GAREM1: variants seen among roughly 807,000 people sequenced by gnomAD.
GAREM1 encodes the protein GRB2-associated and regulator of MAPK protein 1.
GAREM1 carries 26 observed loss-of-function variants against 71.3 expected under a neutral mutation model. The observed-to-expected ratio is 0.36, with a 90% CI of 0.27 to 0.51. The LOEUF is 0.51. Ranked by LOEUF, GAREM1 falls within the 20% of genes least tolerant of loss-of-function variation. The pLI is 0.95. For synonymous variants in GAREM1, 440 were observed against 433.2 expected, an observed-to-expected ratio of 1.02 and a Z score of -0.20; for missense variants, 1,026 against 1,103.1, an observed-to-expected ratio of 0.93 and a Z score of 0.99.
At chr18:32,459,899 A>G (rs895776786) in intron 1 of GAREM1, among the ~76,000 whole-genome samples, 3 of 152,290 alleles carry the variant, frequency 2.0e-5, no homozygotes, top group Non-Finnish European at 4.4e-5. Flanking sequence ...CTTCTCAGGT[A>G]TTTCATTAAC....
At position 32,287,777 on chromosome 18, in the gene GAREM1, C is replaced by G. The variant is rs763402767; in HGVS notation, c.820G>C (p.Val274Leu). 1.2e-6 allele frequency: 2 copies of G among 1,613,538 alleles called. No homozygotes were observed. The highest frequency in any genetic ancestry group is 8.5e-7 in the Non-Finnish European group (1 of 1,179,978). The change falls in exon 4 of 6, where the codon GTG (valine) becomes CTG (leucine). Residue 274 changes from valine to leucine, a missense_variant. By Grantham distance (32) the Val-to-Leu change is conservative. Transcript: ENST00000269209. The surrounding 1 kb of genome is among the most constrained non-coding windows in gnomAD (Gnocchi z 5.9). Reference protein sequence around the residue: ...FIREGHRYKFVNIQTKTVVVC... With the variant: ...FIREGHRYKFLNIQTKTVVVC... ...ACCACCGTCTTGGTCTGGATGTTCACAAACTTATAGCGGTGCCCCTCACGG... is the reference window on the plus strand; with the variant it reads ...ACCACCGTCTTGGTCTGGATGTTCAGAAACTTATAGCGGTGCCCCTCACGG...
At chr18:32,447,133 G>A (rs2048792525) in intron 1 of GAREM1, among the ~76,000 whole-genome samples, 1 of 152,122 alleles carries the variant, frequency 6.6e-6, no homozygotes, top group Admixed American at 6.6e-5. Context: ...CCCTTTCAAG[G>A]CAATAATCAC....
chr18:32,364,022 A>ATGTTTTT (rs1236005063), intron 2 of GAREM1, among the ~76,000 whole-genome samples: 1 of 52,104 alleles, frequency 1.9e-5, no homozygotes. Context: ...ATATATATAT[A>ATGTTTTT]TATATGTTTT....
intron 4 of GAREM1, among the ~76,000 whole-genome samples, chr18:32,283,457 G>A (rs1450063056): frequency 6.6e-6 from 1 of 152,122 alleles, no homozygotes; most frequent in Non-Finnish European, 1.5e-5. Flanking sequence ...TGAGGCATGA[G>A]AATCACTTGA....
intron 2 of GAREM1, among the ~76,000 whole-genome samples, chr18:32,348,905 C>A (rs2047721826): frequency 6.6e-6 from 1 of 151,978 alleles, no homozygotes; most frequent in Non-Finnish European, 1.5e-5. Context: ...ATAATAAATC[C>A]ATATAAACAC....
intron 1 of GAREM1, among the ~76,000 whole-genome samples, chr18:32,451,805 C>T (rs729691): frequency 0.39 from 59,614 of 151,866 alleles, 14,787 homozygotes; most frequent in African/African-American, 0.71. Flanking sequence ...GTATAACAAA[C>T]ATTGGAGGAG....
At chr18:32,276,495 A>C (rs1314342197) in intron 4 of GAREM1, among the ~76,000 whole-genome samples, 3 of 152,230 alleles carry the variant, frequency 2.0e-5, no homozygotes, top group Non-Finnish European at 2.9e-5. Context: ...CAATCTGGTA[A>C]GTGTGATAAG....
chr18:32,449,205 G>C (rs2048810746), intron 1 of GAREM1, among the ~76,000 whole-genome samples: 1 of 152,138 alleles, frequency 6.6e-6, no homozygotes, highest in Non-Finnish European at 1.5e-5. Context: ...ACAGCAGCTG[G>C]CACCATAATT....
At chr18:32,358,364 A>G (rs1009258425) in intron 2 of GAREM1, among the ~76,000 whole-genome samples, 1 of 151,946 alleles carries the variant, frequency 6.6e-6, no homozygotes, top group African/African-American at 2.4e-5. Flanking sequence ...GGTTGTCAAA[A>G]GGGGCCAGAT....
intron 2 of GAREM1, among the ~76,000 whole-genome samples, chr18:32,384,829 C>T (rs2048130381): frequency 6.6e-6 from 1 of 152,124 alleles, no homozygotes; most frequent in South Asian, 2.1e-4. Context: ...ATTCTTGTAG[C>T]AAAGACACTT....
At chr18:32,406,456 T>C (rs532349835) in intron 1 of GAREM1, among the ~76,000 whole-genome samples, 2 of 152,310 alleles carry the variant, frequency 1.3e-5, no homozygotes, top group East Asian at 1.9e-4. Flanking sequence ...CGATGGACTA[T>C]AATCAAATGA....
chr18:32,335,097 T>G (rs1389344694), intron 2 of GAREM1, among the ~76,000 whole-genome samples: 2 of 152,218 alleles, frequency 1.3e-5, no homozygotes, highest in Non-Finnish European at 2.9e-5. Flanking sequence ...TCCTGTCCAG[T>G]AGTCCAAGGC....
intron 4 of GAREM1, among the ~76,000 whole-genome samples, chr18:32,274,277 G>A (rs2041507898): frequency 6.6e-6 from 1 of 152,152 alleles, no homozygotes; most frequent in Admixed American, 6.5e-5. Flanking sequence ...AACAGTAACA[G>A]TTCTATTACT....
At chr18:32,336,152 C>T (rs1176223235) in intron 2 of GAREM1, among the ~76,000 whole-genome samples, 4 of 152,096 alleles carry the variant, frequency 2.6e-5, no homozygotes, top group South Asian at 4.1e-4. Flanking sequence ...TACAGTAGGC[C>T]GGGCACGGTG....
In GAREM1 at chr18:32,330,951, T is replaced by C. The variant is rs1490814235; in HGVS notation, c.263-20628A>G. Among the ~76,000 whole-genome samples, 3 of 152,292 alleles carry C rather than the reference T, an allele frequency of 2.0e-5. No individual in the cohort carries two copies. The East Asian group carries it at 5.8e-4, about 29-fold the overall frequency. ...ACTGCCTTTCCAGCACTCTTTACAGTTCCATATAGGCTGCTACACAGACAT... is the reference window on the plus strand; with the variant it reads ...ACTGCCTTTCCAGCACTCTTTACAGCTCCATATAGGCTGCTACACAGACAT... On this transcript the variant is annotated intron_variant, in intron 2 of 5. Coordinates refer to ENST00000269209, the MANE Select transcript of GAREM1 (RefSeq NM_001242409.2).
At chr18:32,414,972 A>G (rs1181824142) in intron 1 of GAREM1, among the ~76,000 whole-genome samples, 1 of 152,126 alleles carries the variant, frequency 6.6e-6, no homozygotes, top group Non-Finnish European at 1.5e-5. Flanking sequence ...CAGACTAAGA[A>G]AAAAAGGGAG....
chr18:32,317,449 T>C (rs938116499), intron 2 of GAREM1, among the ~76,000 whole-genome samples: 1 of 151,762 alleles, frequency 6.6e-6, no homozygotes, highest in African/African-American at 2.4e-5. Context: ...GTCCTTTTAT[T>C]GCATACCACT....
intron 2 of GAREM1, among the ~76,000 whole-genome samples, chr18:32,349,953 A>C (rs1000225507): frequency 6.6e-6 from 1 of 152,226 alleles, no homozygotes; most frequent in Non-Finnish European, 1.5e-5. Flanking sequence ...TGGTAAACTG[A>C]CATCATCATG....
intron 2 of GAREM1, among the ~76,000 whole-genome samples, chr18:32,380,283 C>T (rs1473650384): frequency 6.6e-6 from 1 of 151,966 alleles, no homozygotes; most frequent in African/African-American, 2.4e-5. Flanking sequence ...CAAGACCAGC[C>T]TGGCCAACAT....
Sources: gnomAD v4.1 joint callset for allele counts (sites outside exome capture counted in the v4.1 genomes callset) on GRCh38, gnomAD v4.1.1 for gene constraint, Gnocchi (gnomAD v3.1) non-coding constraint, MANE v1.5 for transcripts, NCBI Gene and HGNC (gene_info 2026-07-23, HGNC 2026-07-21) for gene names.